CAMKMT: variants seen among roughly 807,000 people sequenced by gnomAD.
CAMKMT encodes the protein CaM KMT.
In CAMKMT, 53 loss-of-function variants were observed where a neutral mutation model predicts 48.0. The observed-to-expected ratio is 1.10, with a 90% CI of 0.89 to 1.39. The LOEUF is 1.39. Among genes scored for constraint, CAMKMT ranks in the 40% most tolerant of loss-of-function variants. The probability of loss-of-function intolerance (pLI) is 0.00; values close to 1 mark genes in which losing one functional copy is unlikely to be tolerated. For missense variants in CAMKMT, 428 were observed against 402.7 expected (o/e 1.06, Z -0.54); for synonymous variants, 165 against 152.3 (o/e 1.08, Z -0.61).
intron 3 of CAMKMT, among the ~76,000 whole-genome samples, chr2:44,647,907 C>CAAA (rs756753917): frequency 9.5e-4 from 28 of 29,456 alleles, no homozygotes; most frequent in Middle Eastern, 0.02. Context: ...GACTCCGTCT[C>CAAA]AAAAAAAAAA....
At chr2:44,483,697 T>C (rs1669084201) in intron 3 of CAMKMT, among the ~76,000 whole-genome samples, 1 of 152,134 alleles carries the variant, frequency 6.6e-6, no homozygotes, top group African/African-American at 2.4e-5. Context: ...AAAACAAAAA[T>C]AATTATATGA....
chr2:44,458,759 C>T (rs372422440), intron 3 of CAMKMT, among the ~76,000 whole-genome samples: 1 of 152,050 alleles, frequency 6.6e-6, no homozygotes, highest in East Asian at 1.9e-4. Context: ...CGATAAAAGG[C>T]GATTACAAGT....
At chr2:44,614,326 A>C (rs889805661) in intron 3 of CAMKMT, among the ~76,000 whole-genome samples, 4 of 152,226 alleles carry the variant, frequency 2.6e-5, no homozygotes, top group African/African-American at 9.6e-5. Context: ...ACTGACTGAA[A>C]TACAGTTCCT....
intron 3 of CAMKMT, among the ~76,000 whole-genome samples, chr2:44,691,976 A>C (rs959748443): frequency 6.6e-6 from 1 of 152,154 alleles, no homozygotes; most frequent in African/African-American, 2.4e-5. Flanking sequence ...ACTTAATCAT[A>C]TATTGTACAG....
intron 3 of CAMKMT, among the ~76,000 whole-genome samples, chr2:44,658,714 C>T (rs891894222): frequency 2.0e-5 from 3 of 152,036 alleles, no homozygotes; most frequent in Admixed American, 1.3e-4. Context: ...TGCATTTATT[C>T]TCCTCACCAC....
intron 3 of CAMKMT, among the ~76,000 whole-genome samples, chr2:44,622,051 A>G (rs1672227524): frequency 6.6e-6 from 1 of 152,194 alleles, no homozygotes. Flanking sequence ...ATTGGCTTGA[A>G]CAATAAGGCA....
intron 3 of CAMKMT, among the ~76,000 whole-genome samples, chr2:44,547,586 G>GA (rs1667475227): frequency 6.6e-6 from 1 of 152,016 alleles, no homozygotes; most frequent in Non-Finnish European, 1.5e-5. Flanking sequence ...AAAAGGCAGT[G>GA]AAAAAAATCA....
At chr2:44,665,802 G>A (rs1016586377) in intron 3 of CAMKMT, among the ~76,000 whole-genome samples, 2 of 152,160 alleles carry the variant, frequency 1.3e-5, no homozygotes, top group South Asian at 2.1e-4. Context: ...GCTGCAATTC[G>A]ATTTGGGGTC....
At chr2:44,525,659 G>A (rs1671366732) in intron 3 of CAMKMT, among the ~76,000 whole-genome samples, 5 of 152,108 alleles carry the variant, frequency 3.3e-5, no homozygotes, top group Admixed American at 1.3e-4. Flanking sequence ...CGTATGTCAT[G>A]CAGTTCTTTT....
chr2:44,617,217 A>T (rs1230113260), intron 3 of CAMKMT, among the ~76,000 whole-genome samples: 1 of 152,162 alleles, frequency 6.6e-6, no homozygotes, highest in Admixed American at 6.5e-5. Context: ...TAATCAGGAA[A>T]CTCAAAGTCA....
intron 7 of CAMKMT, among the ~76,000 whole-genome samples, chr2:44,718,870 A>G (rs570443669): frequency 5.9e-4 from 90 of 152,314 alleles, no homozygotes; most frequent in Middle Eastern, 3.4e-3. Flanking sequence ...AACTTGTGTT[A>G]AGACTTTTTT....
Position 44,550,648 on chromosome 2 carries a change from G to A in CAMKMT, c.377-153635G>A, listed in dbSNP as rs544077929. 4 of 152,236 alleles carry A rather than the reference G, an allele frequency of 2.6e-5. No homozygotes were observed. The South Asian group carries it at 8.3e-4, about 32-fold the overall frequency. 9.4% of individuals were successfully genotyped at this position (152,236 alleles called of 1,614,324 possible). ...ATTCCATGTGGTGTGAGAGAAGTCAGTTACCAAGATCTATTGACCATCTAT... is the reference window on the plus strand; with the variant it reads ...ATTCCATGTGGTGTGAGAGAAGTCAATTACCAAGATCTATTGACCATCTAT... On this transcript the variant is annotated intron_variant, in intron 3 of 10. Coordinates refer to ENST00000378494, the MANE Select transcript of CAMKMT (RefSeq NM_024766.5).
In CAMKMT at chr2:44,672,087, C is replaced by T. The variant is rs145959389; in HGVS notation, c.377-32196C>T. On this transcript the variant is annotated intron_variant, in intron 3 of 10. Transcript: ENST00000378494. ...ACTCAATACCATTCTCCCTGACCCTCCCCATCCGCCTCACTCCCCAAATAG... is the reference window on the plus strand; with the variant it reads ...ACTCAATACCATTCTCCCTGACCCTTCCCATCCGCCTCACTCCCCAAATAG... 7.1e-3 allele frequency among the ~76,000 whole-genome samples: 1,087 copies of T among 152,304 alleles called. 6 individuals carry two copies. The highest frequency in any genetic ancestry group is 0.012 in the Non-Finnish European group (850 of 68,028).
chr2:44,685,659 C>G (rs1469494128), intron 3 of CAMKMT, among the ~76,000 whole-genome samples: 1 of 152,166 alleles, frequency 6.6e-6, no homozygotes, highest in African/African-American at 2.4e-5. Flanking sequence ...TATAAACACT[C>G]TAAATGGGGG....
chr2:44,637,850 A>T (rs1673219189), intron 3 of CAMKMT, among the ~76,000 whole-genome samples: 1 of 152,120 alleles, frequency 6.6e-6, no homozygotes, highest in Non-Finnish European at 1.5e-5. Flanking sequence ...GCAGATCACA[A>T]GGTCAAATGA....
intron 3 of CAMKMT, among the ~76,000 whole-genome samples, chr2:44,462,141 A>G (rs1326680950): frequency 1.3e-5 from 2 of 152,230 alleles, no homozygotes; most frequent in Non-Finnish European, 2.9e-5. Flanking sequence ...GTTTGTTTTT[A>G]GAATATAAAA....
intron 3 of CAMKMT, among the ~76,000 whole-genome samples, chr2:44,436,791 C>G (rs1666290691): frequency 6.6e-6 from 1 of 151,948 alleles, no homozygotes; most frequent in African/African-American, 2.4e-5. Flanking sequence ...CTTTTAAACA[C>G]TAAGAAAATG....
intron 3 of CAMKMT, among the ~76,000 whole-genome samples, chr2:44,700,564 G>A (rs1389358842): frequency 6.6e-6 from 1 of 152,114 alleles, no homozygotes; most frequent in East Asian, 1.9e-4. Flanking sequence ...CTGGGGAGAG[G>A]GAGAGAGATG....
At chr2:44,436,941 CTTCAT>C (rs1486380697) in intron 3 of CAMKMT, among the ~76,000 whole-genome samples, 1 of 152,120 alleles carries the variant, frequency 6.6e-6, no homozygotes, top group African/African-American at 2.4e-5. Context: ...TTTTGAAACA[CTTCAT>C]TTCATAACAG....
Sources: allele counts gnomAD v4.1 joint callset (sites outside exome capture counted in the v4.1 genomes callset), GRCh38; gene constraint gnomAD v4.1.1; transcripts MANE v1.5; gene names NCBI Gene and HGNC (gene_info 2026-07-23, HGNC 2026-07-21).